Variants in KLF12 observed in about 807,000 individuals in gnomAD.
KLF12 encodes the protein KLF transcription factor 12, also known as Krueppel-like factor 12.
A neutral mutation model predicts 37.8 loss-of-function variants in KLF12; 9 were observed. The observed-to-expected ratio is 0.24, with a 90% CI of 0.14 to 0.42. The LOEUF is 0.42. Ranked by LOEUF, KLF12 falls within the 10% of genes least tolerant of loss-of-function variation. The pLI is 1.00. For missense variants in KLF12, 411 were observed against 516.0 expected, an observed-to-expected ratio of 0.80 and a Z score of 1.97; for synonymous variants, 208 against 202.1, an observed-to-expected ratio of 1.03 and a Z score of -0.25.
At chr13:73,825,291 G>T (rs999138383) in intron 4 of KLF12, among the ~76,000 whole-genome samples, 1 of 152,094 alleles carries the variant, frequency 6.6e-6, no homozygotes, top group Non-Finnish European at 1.5e-5. Flanking sequence ...CACTTCCTGA[G>T]CCCAGGAACT....
At chr13:73,845,787 C>T in intron 4 of KLF12, 40 bp downstream of exon 4, 1 of 1,571,696 alleles carries the variant, frequency 6.4e-7, no homozygotes, top group East Asian at 2.2e-5. Flanking sequence ...GAAGTCACCT[C>T]TAGTGCTGAA....
intron 1 of KLF12, among the ~76,000 whole-genome samples, chr13:74,031,048 C>T (rs765821441): frequency 3.9e-5 from 6 of 152,084 alleles, no homozygotes; most frequent in Non-Finnish European, 5.9e-5. Flanking sequence ...TGCTATATCT[C>T]GAACTACAAA....
intron 1 of KLF12, among the ~76,000 whole-genome samples, chr13:74,051,863 A>G (rs935144752): frequency 6.6e-6 from 1 of 152,172 alleles, no homozygotes; most frequent in African/African-American, 2.4e-5. Flanking sequence ...GTGTATTTCA[A>G]AACAGCTAGA....
chr13:74,152,759 C>G, the KLF12 span, among the ~76,000 whole-genome samples: 2 of 151,868 alleles, frequency 1.3e-5, no homozygotes, highest in Non-Finnish European at 2.9e-5. Flanking sequence ...GTGTGCACGT[C>G]AGTAGTCCCA....
At chr13:74,114,600 G>T (rs1017434435) in intron 1 of KLF12, among the ~76,000 whole-genome samples, 6 of 152,146 alleles carry the variant, frequency 3.9e-5, no homozygotes, top group African/African-American at 1.4e-4. Flanking sequence ...AAGTATGAAT[G>T]AAAGGCAATT....
chr13:73,740,305 A>C (rs1877879079), intron 6 of KLF12, among the ~76,000 whole-genome samples: 1 of 152,154 alleles, frequency 6.6e-6, no homozygotes, highest in African/African-American at 2.4e-5. Context: ...GCAGGCCCTT[A>C]CCAGACACTG....
intron 5 of KLF12, among the ~76,000 whole-genome samples, chr13:73,808,503 C>T (rs1217274410): frequency 1.3e-5 from 2 of 151,986 alleles, no homozygotes; most frequent in East Asian, 3.9e-4. Flanking sequence ...GTTGTAGCCA[C>T]TAAGCAGCGG....
chr13:74,221,990 C>A, the KLF12 span, among the ~76,000 whole-genome samples: 1 of 152,182 alleles, frequency 6.6e-6, no homozygotes, highest in African/African-American at 2.4e-5. Context: ...TGGTTTCCTT[C>A]CCTTTACCCT....
chr13:73,961,983 G>A (rs374188937), intron 2 of KLF12: 34 of 455,334 alleles, frequency 7.5e-5, no homozygotes, highest in African/African-American at 6.6e-4. Context: ...CACTGTCACT[G>A]TCTTTGGAAT....
At chr13:73,857,246 G>A (rs1885657680) in intron 3 of KLF12, among the ~76,000 whole-genome samples, 1 of 152,064 alleles carries the variant, frequency 6.6e-6, no homozygotes, top group South Asian at 2.1e-4. Flanking sequence ...CATCCCAGGG[G>A]CAACATCACT....
At chr13:73,960,874 T>C (rs1181662707) in intron 2 of KLF12, among the ~76,000 whole-genome samples, 8 of 152,190 alleles carry the variant, frequency 5.3e-5, no homozygotes, top group African/African-American at 1.7e-4. Flanking sequence ...GGACACATTA[T>C]ACTATTATCT....
chr13:74,140,581 A>G, the KLF12 span, among the ~76,000 whole-genome samples: 1,736 of 152,344 alleles, frequency 0.011, 34 homozygotes, highest in African/African-American at 0.04. Context: ...GGTGCTTTGA[A>G]GTAAAACATC....
chr13:74,287,883 C>T, the KLF12 span, among the ~76,000 whole-genome samples: 1 of 152,210 alleles, frequency 6.6e-6, no homozygotes, highest in Non-Finnish European at 1.5e-5. Flanking sequence ...TTATTCACTG[C>T]TCATCCAGCA....
At chr13:74,255,940 G>A in the KLF12 span, among the ~76,000 whole-genome samples, 6 of 152,102 alleles carry the variant, frequency 3.9e-5, no homozygotes, top group African/African-American at 1.2e-4. Context: ...TGGATCACGA[G>A]GTCAGGAGAT....
At chr13:73,968,650 T>C (rs972042369) in intron 2 of KLF12, among the ~76,000 whole-genome samples, 2 of 152,214 alleles carry the variant, frequency 1.3e-5, no homozygotes, top group African/African-American at 4.8e-5. Context: ...TTCTAAAAGA[T>C]GATGCTTTTG....
At chr13:73,887,044 A>T (rs1887261722) in intron 3 of KLF12, among the ~76,000 whole-genome samples, 1 of 151,974 alleles carries the variant, frequency 6.6e-6, no homozygotes, top group Non-Finnish European at 1.5e-5. Flanking sequence ...TAGCATATCC[A>T]GCCAGAGCAA....
chr13:73,982,956 C>CA (rs111437714), intron 2 of KLF12, among the ~76,000 whole-genome samples: 161 of 142,466 alleles, frequency 1.1e-3, no homozygotes, highest in Non-Finnish European at 1.8e-3. Flanking sequence ...ACTTTTTTTC[C>CA]AAAAAAAAAA....
At chr13:73,989,818 A>AGT (rs1891918186) in intron 2 of KLF12, among the ~76,000 whole-genome samples, 1 of 152,196 alleles carries the variant, frequency 6.6e-6, no homozygotes. Flanking sequence ...AGGCCAATGA[A>AGT]GAACAATCAC....
the KLF12 span, among the ~76,000 whole-genome samples, chr13:74,229,652 G>T: frequency 6.6e-6 from 1 of 152,078 alleles, no homozygotes; most frequent in Non-Finnish European, 1.5e-5. Context: ...CTTCTTTTAG[G>T]TTGGAAAAAT....
Sources: gnomAD v4.1 joint callset for allele counts (sites outside exome capture counted in the v4.1 genomes callset) on GRCh38, gnomAD v4.1.1 for gene constraint, MANE v1.5 for transcripts, NCBI Gene and HGNC (gene_info 2026-07-23, HGNC 2026-07-21) for gene names.